The following PKNOX2 variants were observed in gnomAD, a reference collection of about 807,000 sequenced individuals.
PKNOX2 encodes homeobox protein PKNOX2.
Under a neutral mutation model 53.1 loss-of-function variants are expected in PKNOX2, and 14 were observed. The ratio of observed to expected loss-of-function variants is 0.26; its 90% confidence interval spans 0.17 to 0.41. The LOEUF is 0.41. PKNOX2 is among the 10% of genes least tolerant of loss of function. The pLI is 1.00. For missense variants in PKNOX2, 496 were observed against 602.8 expected (o/e 0.82, Z 1.85); for synonymous variants, 257 against 242.8 (o/e 1.06, Z -0.54).
chr11:125,372,963 T>A (rs1403055214), intron 5 of PKNOX2, among the ~76,000 whole-genome samples: 1 of 152,230 alleles, frequency 6.6e-6, no homozygotes, highest in East Asian at 1.9e-4. Flanking sequence ...GCAGACTGGA[T>A]GGCAGAATCC....
At chr11:125,179,752 A>T (rs1488136467) in intron 1 of PKNOX2, among the ~76,000 whole-genome samples, 1 of 152,214 alleles carries the variant, frequency 6.6e-6, no homozygotes, top group African/African-American at 2.4e-5. Flanking sequence ...ACAGAGAGAC[A>T]GATGTTTCTA....
Position 125,370,708 on chromosome 11 carries a change from C to A in PKNOX2, c.227+2723C>A, listed in dbSNP as rs1024864603. Among the ~76,000 whole-genome samples, 1 of 152,260 alleles carries A rather than the reference C, an allele frequency of 6.6e-6. No individual in the cohort carries two copies. Among genetic ancestry groups the A allele is most frequent in the Non-Finnish European group, 1.5e-5 (1 of 68,052 alleles). ...CCACATCTCACCCATTAGTACCAGCCGCCCTCTCTGCAGCCATTGCCCCGG... is the reference window on the plus strand; with the variant it reads ...CCACATCTCACCCATTAGTACCAGCAGCCCTCTCTGCAGCCATTGCCCCGG... On this transcript the variant is annotated intron_variant, in intron 5 of 12. Coordinates refer to ENST00000298282, the MANE Select transcript of PKNOX2 (RefSeq NM_001382323.2). This position sits in a 1 kb window ranked among gnomAD's most constrained non-coding sequence, Gnocchi z 4.1.
chr11:125,269,560 C>A (rs758423756), intron 2 of PKNOX2, among the ~76,000 whole-genome samples: 1 of 152,228 alleles, frequency 6.6e-6, no homozygotes, highest in African/African-American at 2.4e-5. Flanking sequence ...GAGGCACGAC[C>A]AAGTCTCCTA....
chr11:125,202,063 G>A (rs1167556185), intron 1 of PKNOX2, among the ~76,000 whole-genome samples: 2 of 152,208 alleles, frequency 1.3e-5, no homozygotes, highest in Non-Finnish European at 2.9e-5. Context: ...GGGTCCGTGC[G>A]GCTGGGACTC....
intron 2 of PKNOX2, among the ~76,000 whole-genome samples, chr11:125,286,613 AGGCCT>A (rs1288220813): frequency 1.3e-5 from 2 of 152,230 alleles, no homozygotes; most frequent in Non-Finnish European, 2.9e-5. Context: ...CCCCACTGCC[AGGCCT>A]GGTGTCGCCT....
At chr11:125,304,120 CAGGGCCTCCAT>C (rs1267807841) in intron 2 of PKNOX2, among the ~76,000 whole-genome samples, 52 of 152,318 alleles carry the variant, frequency 3.4e-4, no homozygotes, top group African/African-American at 1.1e-3. Context: ...GGAAACACCT[CAGGGCCTCCAT>C]AGGAAAGGCT....
At position 125,275,406 on chromosome 11, in the gene PKNOX2, G is replaced by C. The variant is rs573353473; in HGVS notation, c.-130+40291G>C. ...AGAAAGGAGGTCAGGGAGGCAGAGA[G>C]TGTCTTAGGAGGCCACACAAAGGCA... is the stretch of plus-strand genomic sequence containing the variant. On this transcript the variant is annotated intron_variant, in intron 2 of 12. Transcript: ENST00000298282. Among the ~76,000 whole-genome samples the C allele has an allele frequency of 2.3e-3, 346 of 152,298 alleles. 1 individual carries two copies. Among genetic ancestry groups the C allele is most frequent in the South Asian group, 8.9e-3 (43 of 4,826 alleles).
intron 2 of PKNOX2, among the ~76,000 whole-genome samples, chr11:125,312,467 G>C (rs564353658): frequency 6.6e-6 from 1 of 152,214 alleles, no homozygotes; most frequent in Non-Finnish European, 1.5e-5. Flanking sequence ...GGTTCTGTGG[G>C]AAGTCACCCT....
At chr11:125,217,812 T>G (rs1296645791) in intron 1 of PKNOX2, among the ~76,000 whole-genome samples, 1 of 152,166 alleles carries the variant, frequency 6.6e-6, no homozygotes, top group African/African-American at 2.4e-5. Context: ...TTACGCTTGT[T>G]TCATCTTCAC....
intron 2 of PKNOX2, among the ~76,000 whole-genome samples, chr11:125,281,873 C>A (rs1349135327): frequency 1.3e-5 from 2 of 152,174 alleles, no homozygotes; most frequent in Non-Finnish European, 2.9e-5. Flanking sequence ...TCAACTCAGC[C>A]CTCTGAACTC....
At chr11:125,316,958 G>A (rs1478654787) in intron 2 of PKNOX2, among the ~76,000 whole-genome samples, 4 of 152,194 alleles carry the variant, frequency 2.6e-5, no homozygotes, top group African/African-American at 9.7e-5. Context: ...CAAACTTGGA[G>A]TCAATTCTCT....
intron 1 of PKNOX2, among the ~76,000 whole-genome samples, chr11:125,219,950 C>T (rs907840488): frequency 6.6e-6 from 1 of 152,138 alleles, no homozygotes; most frequent in African/African-American, 2.4e-5. Context: ...GTCTAAGTAC[C>T]TTCTTTGTAA....
intron 12 of PKNOX2, 62 bp from the exon 13 acceptor site, chr11:125,431,104 A>G: frequency 6.4e-7 from 1 of 1,566,108 alleles, no homozygotes; most frequent in Non-Finnish European, 8.6e-7. Context: ...CCTGTCCAAC[A>G]CAGAGGTGCT....
At chr11:125,263,086 A>G (rs992479079) in intron 2 of PKNOX2, among the ~76,000 whole-genome samples, 8 of 152,174 alleles carry the variant, frequency 5.3e-5, no homozygotes, top group African/African-American at 1.9e-4. Flanking sequence ...TGGTGCTTCT[A>G]GACTCAGTCG....
intron 2 of PKNOX2, among the ~76,000 whole-genome samples, chr11:125,286,502 C>G (rs772232394): frequency 6.6e-6 from 1 of 152,212 alleles, no homozygotes; most frequent in Non-Finnish European, 1.5e-5. Flanking sequence ...GCCTATTGTG[C>G]CTGATGTGGG....
intron 2 of PKNOX2, among the ~76,000 whole-genome samples, chr11:125,271,575 C>G (rs1381428702): frequency 1.3e-5 from 2 of 152,260 alleles, no homozygotes; most frequent in Non-Finnish European, 2.9e-5. Context: ...TCAGAGCACT[C>G]TGCTCACTTG....
intron 4 of PKNOX2, among the ~76,000 whole-genome samples, chr11:125,359,724 T>A (rs1210568307): frequency 6.6e-6 from 1 of 152,138 alleles, no homozygotes; most frequent in African/African-American, 2.4e-5. Context: ...CGGGCCCGCC[T>A]GAAGCCTCAG....
chr11:125,305,473 C>A (rs904679554), intron 2 of PKNOX2, among the ~76,000 whole-genome samples: 2 of 152,180 alleles, frequency 1.3e-5, no homozygotes, highest in South Asian at 2.1e-4. Context: ...CCCTCCAGCA[C>A]CCCCTACCTG....
intron 2 of PKNOX2, among the ~76,000 whole-genome samples, chr11:125,250,091 A>C (rs12801398): frequency 4.0e-4 from 53 of 133,904 alleles, no homozygotes; most frequent in Non-Finnish European, 5.7e-4. Context: ...AAAAAAAAAA[A>C]CAATTTAGAC....
Sources: allele counts gnomAD v4.1 joint callset (sites outside exome capture counted in the v4.1 genomes callset), GRCh38; gene constraint gnomAD v4.1.1; non-coding constraint Gnocchi (gnomAD v3.1); transcripts MANE v1.5; gene names NCBI Gene and HGNC (gene_info 2026-07-23, HGNC 2026-07-21).